The following NTN1 variants were observed in gnomAD, a reference collection of about 807,000 sequenced individuals.
NTN1 encodes the protein netrin-1.
NTN1 carries 11 observed loss-of-function variants against 54.2 expected under a neutral mutation model. The ratio of observed to expected loss-of-function variants is 0.20; its 90% CI spans 0.13 to 0.34. NTN1 has a LOEUF of 0.34. Ranked by LOEUF, NTN1 falls within the 10% of genes least tolerant of loss-of-function variation. The pLI, the probability that NTN1 is intolerant of heterozygous loss-of-function variation, is 1.00. For missense variants in NTN1, 740 were observed against 893.1 expected (o/e 0.83, Z 2.18); for synonymous variants, 371 against 382.0 (o/e 0.97, Z 0.33).
chr17:9,189,772 T>C (rs938062089), intron 5 of NTN1, among the ~76,000 whole-genome samples: 22 of 151,862 alleles, frequency 1.4e-4, no homozygotes, highest in African/African-American at 5.3e-4. Context: ...CAAAGAGACA[T>C]GGAGGGGCAG....
intron 2 of NTN1, among the ~76,000 whole-genome samples, chr17:9,144,911 C>A (rs888484707): frequency 2.6e-5 from 4 of 152,160 alleles, no homozygotes; most frequent in Non-Finnish European, 5.9e-5. Flanking sequence ...ACCCCAGGAC[C>A]CCCTGGAGAG....
chr17:9,110,185 G>T (rs528094230), intron 2 of NTN1, among the ~76,000 whole-genome samples: 2 of 152,106 alleles, frequency 1.3e-5, no homozygotes, highest in Non-Finnish European at 2.9e-5. Context: ...GTGTGTATCC[G>T]TGAGAAAACT....
chr17:9,021,493 G>T (rs1008070530), upstream of NTN1: 44 of 151,846 alleles, frequency 2.9e-4, no homozygotes, highest in African/African-American at 9.9e-4. Context: ...CCGCCCCCGC[G>T]CTCCCCTCCG....
At chr17:9,208,398 G>C (rs1905022100) in intron 5 of NTN1, among the ~76,000 whole-genome samples, 1 of 152,202 alleles carries the variant, frequency 6.6e-6, no homozygotes, top group African/African-American at 2.4e-5. Context: ...GCCGCAGTCA[G>C]CTTATTGTCC....
At chr17:9,063,308 G>A (rs1270089809) in intron 2 of NTN1, among the ~76,000 whole-genome samples, 1 of 152,098 alleles carries the variant, frequency 6.6e-6, no homozygotes, top group Non-Finnish European at 1.5e-5. Context: ...ATGTTGGCCA[G>A]GCTGGTCTCG....
intron 2 of NTN1, among the ~76,000 whole-genome samples, chr17:9,122,771 G>C (rs547703716): frequency 6.6e-6 from 1 of 152,164 alleles, no homozygotes; most frequent in African/African-American, 2.4e-5. Flanking sequence ...TTGCCTGGTG[G>C]ACCTTTTTCT....
At chr17:9,041,807 G>A (rs899509636) in intron 2 of NTN1, among the ~76,000 whole-genome samples, 4 of 151,986 alleles carry the variant, frequency 2.6e-5, no homozygotes, top group East Asian at 1.9e-4. Flanking sequence ...TCAGGAGTTC[G>A]AGACCAGCCT....
At chr17:9,061,894 G>A (rs1453900380) in intron 2 of NTN1, among the ~76,000 whole-genome samples, 4 of 152,040 alleles carry the variant, frequency 2.6e-5, no homozygotes, top group East Asian at 1.9e-4. Flanking sequence ...TAGTAAAGAC[G>A]GTGTTTCACC....
At chr17:9,108,435 A>C (rs1297891245) in intron 2 of NTN1, among the ~76,000 whole-genome samples, 1 of 152,194 alleles carries the variant, frequency 6.6e-6, no homozygotes, top group Non-Finnish European at 1.5e-5. Flanking sequence ...GGCTACTGTG[A>C]GGAAGTCTGG....
intron 5 of NTN1, among the ~76,000 whole-genome samples, chr17:9,196,455 C>G (rs988374586): frequency 2.6e-5 from 4 of 152,096 alleles, no homozygotes; most frequent in Non-Finnish European, 1.5e-5. Flanking sequence ...TCAGACTGTC[C>G]CCAGCCCCAC....
chr17:9,197,095 C>A (rs1904654722), intron 5 of NTN1, among the ~76,000 whole-genome samples: 1 of 151,856 alleles, frequency 6.6e-6, no homozygotes, highest in South Asian at 2.1e-4. Flanking sequence ...ACAGCATTGT[C>A]CAAAAGGCAT....
At chr17:9,066,154 G>A (rs2092014389) in intron 2 of NTN1, among the ~76,000 whole-genome samples, 1 of 152,198 alleles carries the variant, frequency 6.6e-6, no homozygotes, top group African/African-American at 2.4e-5. Flanking sequence ...GGGCATGATG[G>A]TGTGCACCTG....
At chr17:9,133,202 A>G (rs956159328) in intron 2 of NTN1, among the ~76,000 whole-genome samples, 1 of 151,882 alleles carries the variant, frequency 6.6e-6, no homozygotes, top group African/African-American at 2.4e-5. Context: ...CTCCTGGGGG[A>G]GTCTGACGGA....
chr17:9,118,190 A>T (rs1469906424), intron 2 of NTN1, among the ~76,000 whole-genome samples: 2 of 152,170 alleles, frequency 1.3e-5, no homozygotes, highest in Non-Finnish European at 1.5e-5. Flanking sequence ...CTTTATTGAG[A>T]TATAATCCAC....
chr17:9,206,864 C>T (rs375849916), intron 5 of NTN1, among the ~76,000 whole-genome samples: 12 of 152,338 alleles, frequency 7.9e-5, no homozygotes, highest in East Asian at 7.7e-4. Flanking sequence ...TCCCCAGGCA[C>T]GGAGCCACAC....
the NTN1 span, among the ~76,000 whole-genome samples, chr17:9,013,216 C>CTTTTTTTT: frequency 1.0e-4 from 12 of 118,726 alleles, no homozygotes; most frequent in African/African-American, 2.2e-4. Flanking sequence ...TTTTCTTTTT[C>CTTTTTTTT]TTTTTTTTTT....
At chr17:9,084,380 A>G (rs967930854) in intron 2 of NTN1, among the ~76,000 whole-genome samples, 1 of 152,190 alleles carries the variant, frequency 6.6e-6, no homozygotes, top group African/African-American at 2.4e-5. Context: ...TTGTCTAGTC[A>G]TTGTGTGGGA....
At chr17:9,133,485 A>G (rs2092271789) in intron 2 of NTN1, among the ~76,000 whole-genome samples, 1 of 151,960 alleles carries the variant, frequency 6.6e-6, no homozygotes, top group Non-Finnish European at 1.5e-5. Flanking sequence ...ACCTGTAACG[A>G]CCATGCAGGG....
rs1019057370 is a variant in NTN1, at chr17:9,221,585, C to A, written c.1486+343C>A. 6.6e-6 allele frequency among the ~76,000 whole-genome samples: 1 copy of A among 152,146 alleles called. No individual in the cohort carries two copies. The highest frequency in any genetic ancestry group is 1.5e-5 in the Non-Finnish European group (1 of 68,020). Reference sequence around the variant, plus strand: ...GGTCTTCTGTGTCTGCATCATACTGCGGGGATTTGACCCGAGTCCACGTGG... The same window carrying A: ...GGTCTTCTGTGTCTGCATCATACTGAGGGGATTTGACCCGAGTCCACGTGG... On this transcript the variant is annotated intron_variant, in intron 6 of 6. Transcript: ENST00000173229. This position sits in a 1 kb window ranked among gnomAD's most constrained non-coding sequence, Gnocchi z 4.5.
Sources: gnomAD v4.1 joint callset for allele counts (sites outside exome capture counted in the v4.1 genomes callset) on GRCh38, gnomAD v4.1.1 for gene constraint, Gnocchi (gnomAD v3.1) non-coding constraint, MANE v1.5 for transcripts, NCBI Gene and HGNC (gene_info 2026-07-23, HGNC 2026-07-21) for gene names.